The following CNTNAP4 variants were observed in gnomAD, a reference collection of about 807,000 sequenced individuals.
The protein encoded by CNTNAP4 is contactin associated protein family member 4.
Under a neutral mutation model 148.4 loss-of-function variants are expected in CNTNAP4, and 98 were observed. The ratio of observed to expected loss-of-function variants is 0.66; its 90% confidence interval spans 0.56 to 0.78. The LOEUF is 0.78. Ranked by LOEUF, CNTNAP4 falls within the 30% of genes least tolerant of loss-of-function variation. The pLI is 0.00. For missense variants in CNTNAP4, 1,935 were observed against 1,565.6 expected (o/e 1.24, Z -3.98); for synonymous variants, 730 against 565.1 (o/e 1.29, Z -4.14).
chr16:76,522,645 CTTTTCTCT>C (rs1291706473), intron 17 of CNTNAP4, among the ~76,000 whole-genome samples: 1,674 of 139,324 alleles, frequency 0.012, 149 homozygotes, highest in Admixed American at 0.026. Context: ...TTCTTTCTTT[CTTTTCTCT>C]CTTTCTCTCT....
intron 10 of CNTNAP4, among the ~76,000 whole-genome samples, chr16:76,473,601 G>A (rs920975218): frequency 5.9e-5 from 9 of 151,892 alleles, no homozygotes; most frequent in South Asian, 2.1e-4. Flanking sequence ...GTGAAGCCCC[G>A]TCTCTACTAA....
At chr16:76,416,573 A>T (rs1383565553) in intron 3 of CNTNAP4, among the ~76,000 whole-genome samples, 2 of 151,250 alleles carry the variant, frequency 1.3e-5, no homozygotes, top group Admixed American at 1.3e-4. Flanking sequence ...TTATTAATTT[A>T]TAGTTTAATT....
chr16:76,325,821 G>A (rs1232310125), intron 2 of CNTNAP4, among the ~76,000 whole-genome samples: 1 of 151,914 alleles, frequency 6.6e-6, no homozygotes, highest in African/African-American at 2.4e-5. Flanking sequence ...ATACAATCAA[G>A]AAGACAAAAA....
At chr16:76,536,611 T>A (rs987509916) in intron 18 of CNTNAP4, among the ~76,000 whole-genome samples, 11 of 152,190 alleles carry the variant, frequency 7.2e-5, no homozygotes, top group African/African-American at 2.7e-4. Context: ...AATATACCAT[T>A]AAATATCGAT....
chr16:76,469,459 C>T (rs1285355736), intron 10 of CNTNAP4: 1 of 152,208 alleles, frequency 6.6e-6, no homozygotes, highest in Non-Finnish European at 1.5e-5. Context: ...TCCCCAACCC[C>T]TGATGGGGAG....
intron 3 of CNTNAP4, among the ~76,000 whole-genome samples, chr16:76,369,188 G>T (rs1008281263): frequency 3.3e-5 from 5 of 151,958 alleles, no homozygotes; most frequent in African/African-American, 1.2e-4. Flanking sequence ...ATTTGAAACT[G>T]CAATATTTTA....
At chr16:76,281,238 C>A (rs966453529) in intron 1 of CNTNAP4, among the ~76,000 whole-genome samples, 1 of 152,042 alleles carries the variant, frequency 6.6e-6, no homozygotes. Flanking sequence ...CCTCCCCCCA[C>A]CATATTTACT....
intron 1 of CNTNAP4, among the ~76,000 whole-genome samples, chr16:76,290,558 A>G (rs972089427): frequency 6.6e-6 from 1 of 152,102 alleles, no homozygotes; most frequent in Non-Finnish European, 1.5e-5. Context: ...CCAAAGACCT[A>G]TTCACTTCCT....
chr16:76,506,414 CCCTT>C (rs142765004), intron 15 of CNTNAP4, among the ~76,000 whole-genome samples: 27,854 of 64,760 alleles, frequency 0.43, 10,963 homozygotes, highest in East Asian at 0.82. Context: ...CTCCCTTCCT[CCCTT>C]CCTTCCTCCC....
intron 1 of CNTNAP4, among the ~76,000 whole-genome samples, chr16:76,286,961 G>T (rs933048601): frequency 6.6e-6 from 1 of 152,120 alleles, no homozygotes; most frequent in Non-Finnish European, 1.5e-5. Flanking sequence ...GCTCAATTAG[G>T]CTCTTTTGTT....
At chr16:76,536,960 A>G (rs911758010) in intron 18 of CNTNAP4, among the ~76,000 whole-genome samples, 1 of 152,220 alleles carries the variant, frequency 6.6e-6, no homozygotes, top group Non-Finnish European at 1.5e-5. Context: ...TGACTTACAA[A>G]GAAAGCATGG....
chr16:76,551,636 T>A (rs1234644580), intron 21 of CNTNAP4, among the ~76,000 whole-genome samples: 2 of 152,098 alleles, frequency 1.3e-5, no homozygotes. Context: ...TTCAGGTGAA[T>A]AGTTAAAATT....
intron 5 of CNTNAP4, 42 bp downstream of exon 5, chr16:76,448,257 G>C (rs998487784): frequency 7.2e-7 from 1 of 1,395,444 alleles, no homozygotes; most frequent in Non-Finnish European, 1.0e-6. Flanking sequence ...TGATTATTTA[G>C]ATATCACCTA....
At chr16:76,543,759 C>T (rs984695708) in intron 21 of CNTNAP4, among the ~76,000 whole-genome samples, 1 of 152,178 alleles carries the variant, frequency 6.6e-6, no homozygotes, top group African/African-American at 2.4e-5. Flanking sequence ...TGGGGGCAGT[C>T]CTTGGGAATC....
chr16:76,364,029 G>T (rs2013776654), intron 3 of CNTNAP4, among the ~76,000 whole-genome samples: 1 of 151,838 alleles, frequency 6.6e-6, no homozygotes, highest in African/African-American at 2.4e-5. Flanking sequence ...TTGAGCCCAG[G>T]AGTTTGAGAC....
chr16:76,470,653 A>G (rs2081336556), intron 10 of CNTNAP4, among the ~76,000 whole-genome samples: 1 of 151,586 alleles, frequency 6.6e-6, no homozygotes, highest in Non-Finnish European at 1.5e-5. Context: ...GCCGTCTCGA[A>G]AAACAAAAAC....
chr16:76,551,325 GA>G (rs1291016803), intron 21 of CNTNAP4, among the ~76,000 whole-genome samples: 2 of 151,752 alleles, frequency 1.3e-5, no homozygotes, highest in Non-Finnish European at 2.9e-5. Flanking sequence ...TTGAGCCTGG[GA>G]GGCAAAAGCT....
At chr16:76,403,634 A>G (rs913939073) in intron 3 of CNTNAP4, among the ~76,000 whole-genome samples, 3 of 152,322 alleles carry the variant, frequency 2.0e-5, no homozygotes, top group East Asian at 1.9e-4. Flanking sequence ...GGAAAACAGT[A>G]TGGCAATTCC....
intron 15 of CNTNAP4, among the ~76,000 whole-genome samples, chr16:76,514,111 A>G (rs747275792): frequency 6.6e-6 from 1 of 152,178 alleles, no homozygotes; most frequent in Non-Finnish European, 1.5e-5. Flanking sequence ...CTAATTCAGA[A>G]TAGGTTACTT....
Sources: allele counts gnomAD v4.1 joint callset (sites outside exome capture counted in the v4.1 genomes callset), GRCh38; gene constraint gnomAD v4.1.1; transcripts MANE v1.5; gene names NCBI Gene and HGNC (gene_info 2026-07-23, HGNC 2026-07-21).